FAR2: variants seen among roughly 807,000 people sequenced by gnomAD.
The protein encoded by FAR2 is fatty acyl-CoA reductase 2, also known as epididymis secretory protein Li 81.
A neutral mutation model predicts 56.0 loss-of-function variants in FAR2; 19 were observed. The ratio of observed to expected loss-of-function variants is 0.34; its 90% CI spans 0.24 to 0.50. The LOEUF (loss-of-function observed/expected upper bound fraction) is 0.50. FAR2 is among the 20% of genes least tolerant of loss of function. The pLI, the probability that FAR2 is intolerant of heterozygous loss-of-function variation, is 0.98. For synonymous variants in FAR2, 219 were observed against 218.8 expected, an observed-to-expected ratio of 1.00 and a Z score of -0.01; for missense variants, 508 against 642.2, an observed-to-expected ratio of 0.79 and a Z score of 2.26.
intron 1 of FAR2, among the ~76,000 whole-genome samples, chr12:29,266,267 T>G (rs1948514756): frequency 6.6e-6 from 1 of 152,160 alleles, no homozygotes; most frequent in South Asian, 2.1e-4. Context: ...CAAGTGTCCA[T>G]CAATAGATGA....
At chr12:29,240,507 G>A (rs372023130) in intron 1 of FAR2, among the ~76,000 whole-genome samples, 1 of 108,480 alleles carries the variant, frequency 9.2e-6, no homozygotes, top group Middle Eastern at 4.1e-3. Flanking sequence ...AGAAATCATG[G>A]CACAAAATGG....
intron 8 of FAR2, among the ~76,000 whole-genome samples, chr12:29,314,659 T>C (rs749372971): frequency 3.9e-5 from 6 of 151,958 alleles, no homozygotes; most frequent in Non-Finnish European, 7.4e-5. Flanking sequence ...TCTTTTGTCT[T>C]CCTCCAGAGC....
intron 1 of FAR2, among the ~76,000 whole-genome samples, chr12:29,159,249 A>T (rs1415875985): frequency 6.6e-6 from 1 of 152,136 alleles, no homozygotes; most frequent in African/African-American, 2.4e-5. Context: ...AATAAGAGTA[A>T]GATGGGAGGC....
intron 1 of FAR2, among the ~76,000 whole-genome samples, chr12:29,220,804 A>T (rs912347054): frequency 1.3e-5 from 2 of 152,100 alleles, no homozygotes; most frequent in African/African-American, 4.8e-5. Context: ...CGTTTATTTA[A>T]AAAGCTTTAG....
At chr12:29,194,667 A>C (rs1950130929) in intron 1 of FAR2, among the ~76,000 whole-genome samples, 1 of 152,082 alleles carries the variant, frequency 6.6e-6, no homozygotes, top group Non-Finnish European at 1.5e-5. Context: ...GGATAAAATT[A>C]AAGGAGACTG....
chr12:29,278,170 G>A (rs7295025), intron 2 of FAR2, among the ~76,000 whole-genome samples: 151,989 of 152,026 alleles, frequency 1, 75,976 homozygotes, highest in Middle Eastern at 1. Context: ...GCCTCAAACA[G>A]TCCTCCTGCC....
At chr12:29,270,700 A>T (rs188148468) in intron 2 of FAR2, 62 bp downstream of exon 2, 2 of 1,424,712 alleles carry the variant, frequency 1.4e-6, no homozygotes, top group Non-Finnish European at 1.9e-6. Flanking sequence ...ATTCACTACA[A>T]TGTTCTCTTA....
intron 4 of FAR2, among the ~76,000 whole-genome samples, chr12:29,298,612 A>G (rs1448482454): frequency 6.6e-6 from 1 of 152,208 alleles, no homozygotes; most frequent in African/African-American, 2.4e-5. Context: ...GAAAAATTTT[A>G]GAGTGCAGAG....
chr12:29,246,294 A>T (rs1270016931), intron 1 of FAR2, among the ~76,000 whole-genome samples: 13 of 152,184 alleles, frequency 8.5e-5, no homozygotes. Context: ...GGAAAGCAAG[A>T]ACTCAGAGAA....
intron 2 of FAR2, among the ~76,000 whole-genome samples, chr12:29,272,689 G>A (rs916436154): frequency 1.9e-4 from 29 of 152,196 alleles, no homozygotes; most frequent in African/African-American, 5.8e-4. Flanking sequence ...GAGATGTTGT[G>A]ATCATTTGGA....
chr12:29,179,179 A>AG (rs1450578015), intron 1 of FAR2, among the ~76,000 whole-genome samples: 1 of 152,210 alleles, frequency 6.6e-6, no homozygotes, highest in Non-Finnish European at 1.5e-5. Flanking sequence ...TCACATTCTG[A>AG]GGTTATCAAG....
chr12:29,277,484 A>G (rs1321519018), intron 2 of FAR2: 1 of 152,228 alleles, frequency 6.6e-6, no homozygotes, highest in Non-Finnish European at 1.5e-5. Context: ...AAAGTAGAAA[A>G]TAAAACAGGC....
rs559633239 is a variant in FAR2, at chr12:29,166,895, C to T, written c.-39+17488C>T. The stretch of plus-strand genomic sequence containing the variant: ...CTTTAAACTCCCCACGATCCCTGCC[C>T]CTGATACAGATAAACATATGCACTT... On this transcript the variant is annotated intron_variant, in intron 1 of 11. Transcript: ENST00000536681. Among the ~76,000 whole-genome samples, 21 of 152,270 alleles carry T rather than the reference C, an allele frequency of 1.4e-4. No homozygotes were observed. The South Asian group carries it at 4.2e-3, about 30-fold the overall frequency.
intron 4 of FAR2, among the ~76,000 whole-genome samples, chr12:29,298,992 T>A (rs1949114789): frequency 6.6e-6 from 1 of 151,914 alleles, no homozygotes; most frequent in Non-Finnish European, 1.5e-5. Context: ...GGTGGGTGGA[T>A]CACCCGAGGT....
intron 2 of FAR2, among the ~76,000 whole-genome samples, chr12:29,289,945 C>T (rs1186250918): frequency 6.6e-6 from 1 of 152,134 alleles, no homozygotes; most frequent in Non-Finnish European, 1.5e-5. Flanking sequence ...AAAAGGTGCT[C>T]AACATCACTG....
At chr12:29,185,069 T>C (rs1950027697) in intron 1 of FAR2, among the ~76,000 whole-genome samples, 1 of 152,208 alleles carries the variant, frequency 6.6e-6, no homozygotes, top group Non-Finnish European at 1.5e-5. Flanking sequence ...AAAATGTATA[T>C]GATATCATAT....
intron 1 of FAR2, among the ~76,000 whole-genome samples, chr12:29,161,031 T>TA (rs1166841869): frequency 6.6e-6 from 1 of 152,148 alleles, no homozygotes; most frequent in African/African-American, 2.4e-5. Context: ...TTCTGTGTAC[T>TA]AAAAAAAAGT....
At chr12:29,243,469 CA>C (rs1250703401) in intron 1 of FAR2, among the ~76,000 whole-genome samples, 1 of 152,146 alleles carries the variant, frequency 6.6e-6, no homozygotes, top group Non-Finnish European at 1.5e-5. Context: ...AATTCAGTTT[CA>C]ATGAAGCATT....
intron 10 of FAR2, among the ~76,000 whole-genome samples, chr12:29,328,953 G>A (rs1415126587): frequency 6.6e-6 from 1 of 151,800 alleles, no homozygotes; most frequent in East Asian, 1.9e-4. Context: ...TTGCTTGCCA[G>A]CTAAGGGTTT....
Sources: gnomAD v4.1 joint callset for allele counts (sites outside exome capture counted in the v4.1 genomes callset) on GRCh38, gnomAD v4.1.1 for gene constraint, MANE v1.5 for transcripts, NCBI Gene and HGNC (gene_info 2026-07-23, HGNC 2026-07-21) for gene names.